The following SPEF2 variants were observed in gnomAD, a reference collection of about 807,000 sequenced individuals.
SPEF2 encodes sperm flagellar and cilia associated 2.
SPEF2 carries 187 observed loss-of-function variants against 224.6 expected under a neutral mutation model. The observed-to-expected ratio is 0.83, with a 90% CI of 0.74 to 0.94. The LOEUF (loss-of-function observed/expected upper bound fraction) is 0.94, where lower values mean the gene tolerates loss of function less well. Ranked by LOEUF, SPEF2 falls within the 40% of genes least tolerant of loss-of-function variation. The probability of loss-of-function intolerance (pLI) is 0.00; values close to 1 mark genes in which losing one functional copy is unlikely to be tolerated. For synonymous variants in SPEF2, 715 were observed against 707.3 expected (o/e 1.01, Z -0.17); for missense variants, 2,170 against 2,135.6 (o/e 1.02, Z -0.32).
intron 20 of SPEF2, among the ~76,000 whole-genome samples, chr5:35,721,749 G>T (rs1743720677): frequency 6.8e-6 from 1 of 148,030 alleles, no homozygotes; most frequent in African/African-American, 2.5e-5. Flanking sequence ...ACATAGACAG[G>T]CAGAAGAAAA....
chr5:35,634,612 A>G (rs559037249), intron 2 of SPEF2, among the ~76,000 whole-genome samples: 4 of 152,016 alleles, frequency 2.6e-5, no homozygotes, highest in African/African-American at 9.6e-5. Context: ...TCTCTCTCCC[A>G]TATCATTCTC....
chr5:35,713,163 A>G (rs13153665), intron 20 of SPEF2, among the ~76,000 whole-genome samples: 114,095 of 151,860 alleles, frequency 0.75, 43,220 homozygotes, highest in Middle Eastern at 0.83. Context: ...TTATCCTTGG[A>G]CTAAGCTGTG....
intron 8 of SPEF2, among the ~76,000 whole-genome samples, chr5:35,662,040 C>T (rs1275750408): frequency 2.0e-5 from 3 of 152,162 alleles, no homozygotes; most frequent in Non-Finnish European, 2.9e-5. Context: ...TACTCTTCCA[C>T]CTACAGTGTA....
rs1021414454 is a variant in SPEF2 at position 35,734,003 on chromosome 5, A to G, written c.3064-5916A>G. On this transcript the variant is annotated intron_variant, in intron 21 of 36. Transcript: ENST00000356031. ...CTTTAAACAGAATCTGGCACAAAGT[A>G]GGTTCTAAATAAGTGTTCATTGTTT... is the stretch of plus-strand genomic sequence containing the variant. Among the ~76,000 whole-genome samples the G allele has an allele frequency of 7.2e-5, 11 of 152,216 alleles. No individual in the cohort carries two copies. In the East Asian group the frequency reaches 1.7e-3, roughly 24 times the overall value.
At chr5:35,733,248 G>A (rs550825034) in intron 21 of SPEF2, among the ~76,000 whole-genome samples, 50 of 152,122 alleles carry the variant, frequency 3.3e-4, no homozygotes, top group East Asian at 1.7e-3. Flanking sequence ...CTGAGTAGCC[G>A]GGACTACAGG....
chr5:35,814,368 C>T (rs1758711137), intron 36 of SPEF2, 96 bp from the exon 37 acceptor site: 1 of 575,084 alleles, frequency 1.7e-6, no homozygotes, highest in Non-Finnish European at 2.8e-6. Context: ...TTAATGGTTG[C>T]CATGTACTAT....
intron 10 of SPEF2, among the ~76,000 whole-genome samples, chr5:35,680,965 G>C (rs978030403): frequency 2.0e-5 from 3 of 152,106 alleles, no homozygotes; most frequent in Admixed American, 1.3e-4. Context: ...GAAACATGTA[G>C]ACAGTGCAAC....
At chr5:35,659,698 G>A (rs915407144) in intron 8 of SPEF2, among the ~76,000 whole-genome samples, 10 of 152,014 alleles carry the variant, frequency 6.6e-5, no homozygotes, top group African/African-American at 2.2e-4. Context: ...AAAGAATGGT[G>A]ATAGTCTAAC....
chr5:35,797,006 T>C (rs974547084), intron 33 of SPEF2, among the ~76,000 whole-genome samples: 2 of 152,188 alleles, frequency 1.3e-5, no homozygotes, highest in African/African-American at 4.8e-5. Context: ...GTATATGCTT[T>C]TATGAACAAA....
chr5:35,667,339 G>A lies in SPEF2; in HGVS notation c.1355+80G>A, dbSNP rs1362821990. 9.1e-6 allele frequency: 11 copies of A among 1,214,258 alleles called. No homozygotes were observed. The East Asian group carries it at 2.1e-4, about 23-fold the overall frequency. The allele number at this position is 1,214,258 out of a possible 1,614,324, so 75.2% of individuals were successfully genotyped here. A position where few individuals can be genotyped will look rare whatever the true frequency, so the allele number is the denominator to read the frequency against. ...AAGATTGTAAAATAGATACTAGGAT[G>A]ATAAGTAAAGAGAGATAAAAATGAT... On this transcript the variant is annotated intron_variant, in intron 9 of 36. Transcript: ENST00000356031.
chr5:35,671,990 T>C (rs1751265334), intron 10 of SPEF2, among the ~76,000 whole-genome samples: 1 of 151,946 alleles, frequency 6.6e-6, no homozygotes, highest in Non-Finnish European at 1.5e-5. Flanking sequence ...TCATTCTTTA[T>C]TTTTAGATCT....
At chr5:35,814,321 G>A in intron 36 of SPEF2, 143 bp from the exon 37 acceptor site, 1 of 426,588 alleles carries the variant, frequency 2.3e-6, no homozygotes, top group Admixed American at 4.5e-5. Flanking sequence ...ACTAAATGGA[G>A]AAATTTGCTC....
At chr5:35,636,702 T>C (rs536665040) in intron 2 of SPEF2, among the ~76,000 whole-genome samples, 2 of 151,958 alleles carry the variant, frequency 1.3e-5, no homozygotes, top group Non-Finnish European at 2.9e-5. Context: ...GGGCCGGGTG[T>C]GGTGGCTAAT....
At chr5:35,658,649 G>A (rs942125205) in intron 7 of SPEF2, among the ~76,000 whole-genome samples, 3 of 151,262 alleles carry the variant, frequency 2.0e-5, no homozygotes, top group Non-Finnish European at 2.9e-5. Flanking sequence ...AGGTAAACTC[G>A]TGTTACAGGA....
At chr5:35,736,374 C>T (rs1038960728) in intron 21 of SPEF2, among the ~76,000 whole-genome samples, 2 of 152,172 alleles carry the variant, frequency 1.3e-5, no homozygotes, top group Non-Finnish European at 1.5e-5. Flanking sequence ...AATTGACTCA[C>T]ACAGTTACAC....
intron 10 of SPEF2, 30 bp from the exon 11 acceptor site, chr5:35,691,007 T>C: frequency 6.4e-7 from 1 of 1,574,560 alleles, no homozygotes; most frequent in Non-Finnish European, 8.7e-7. Flanking sequence ...TTTCAGAATA[T>C]TTCTGTTTAT....
chr5:35,685,679 T>G (rs901209917), intron 10 of SPEF2, among the ~76,000 whole-genome samples: 3 of 152,060 alleles, frequency 2.0e-5, no homozygotes, highest in African/African-American at 7.2e-5. Flanking sequence ...TGCTCATTTC[T>G]TAATGATAGT....
intron 25 of SPEF2, among the ~76,000 whole-genome samples, chr5:35,763,314 A>T (rs1371948219): frequency 6.6e-6 from 1 of 151,910 alleles, no homozygotes; most frequent in African/African-American, 2.4e-5. Flanking sequence ...GTTTGCTTTG[A>T]GTCTCTTCTT....
chr5:35,634,832 A>G (rs1212928258), intron 2 of SPEF2, among the ~76,000 whole-genome samples: 1 of 152,112 alleles, frequency 6.6e-6, no homozygotes, highest in Non-Finnish European at 1.5e-5. Context: ...TTAATGAGCC[A>G]ATATTTGTAT....
Sources: gnomAD v4.1 joint callset for allele counts (sites outside exome capture counted in the v4.1 genomes callset) on GRCh38, gnomAD v4.1.1 for gene constraint, MANE v1.5 for transcripts, NCBI Gene and HGNC (gene_info 2026-07-23, HGNC 2026-07-21) for gene names.